Variants in KSR2 observed in about 807,000 individuals in gnomAD.
The protein encoded by KSR2 is kinase suppressor of ras 2.
A neutral mutation model predicts 107.8 loss-of-function variants in KSR2; 25 were observed. The ratio of observed to expected loss-of-function variants is 0.23; its 90% CI spans 0.17 to 0.32. The LOEUF (loss-of-function observed/expected upper bound fraction) is 0.32. Ranked by LOEUF, KSR2 falls within the 10% of genes least tolerant of loss-of-function variation. KSR2 has a pLI of 1.00. For synonymous variants in KSR2, 480 were observed against 507.0 expected, an observed-to-expected ratio of 0.95 and a Z score of 0.71; for missense variants, 887 against 1,268.9, an observed-to-expected ratio of 0.70 and a Z score of 4.57.
intron 14 of KSR2, among the ~76,000 whole-genome samples, chr12:117,519,897 A>G (rs866177836): frequency 2.6e-5 from 4 of 152,174 alleles, no homozygotes; most frequent in Non-Finnish European, 5.9e-5. Context: ...AATGAAACTC[A>G]GTTCTAATAG....
chr12:117,839,089 A>G (rs182539911), intron 3 of KSR2, among the ~76,000 whole-genome samples: 1 of 152,308 alleles, frequency 6.6e-6, no homozygotes, highest in African/African-American at 2.4e-5. Context: ...ATCTCTCATT[A>G]TCTGATCACT....
At chr12:117,953,102 T>C (rs1322685590) in intron 1 of KSR2, among the ~76,000 whole-genome samples, 1 of 152,136 alleles carries the variant, frequency 6.6e-6, no homozygotes, top group Non-Finnish European at 1.5e-5. Context: ...TCAACATCAT[T>C]AGTCATTAGG....
intron 5 of KSR2, among the ~76,000 whole-genome samples, chr12:117,590,743 ACT>A (rs1880270228): frequency 6.6e-6 from 1 of 152,204 alleles, no homozygotes; most frequent in Non-Finnish European, 1.5e-5. Context: ...TCATTGACAC[ACT>A]GTCTATGACA....
chr12:117,837,555 C>T, intron 3 of KSR2, among the ~76,000 whole-genome samples: 1 of 152,004 alleles, frequency 6.6e-6, no homozygotes, highest in South Asian at 2.1e-4. Flanking sequence ...AAGCAAGGAG[C>T]CTAGGATTGA....
chr12:117,927,242 G>A (rs1017762291), intron 1 of KSR2, among the ~76,000 whole-genome samples: 2 of 151,736 alleles, frequency 1.3e-5, no homozygotes, highest in African/African-American at 2.4e-5. Context: ...TGGGTGTGGC[G>A]GTGCATGCCT....
intron 14 of KSR2, among the ~76,000 whole-genome samples, chr12:117,524,590 C>A (rs1163708589): frequency 6.6e-6 from 1 of 152,092 alleles, no homozygotes; most frequent in Admixed American, 6.5e-5. Flanking sequence ...TCTCTTGAGT[C>A]CAGGAGTTCA....
intron 2 of KSR2, among the ~76,000 whole-genome samples, chr12:117,856,966 T>C (rs370641757): frequency 1.3e-5 from 2 of 152,182 alleles, no homozygotes; most frequent in East Asian, 1.9e-4. Context: ...GAGAGAAGAA[T>C]AGTGGAGTCA....
intron 7 of KSR2, among the ~76,000 whole-genome samples, chr12:117,563,668 C>T (rs1177437540): frequency 6.6e-6 from 1 of 152,130 alleles, no homozygotes; most frequent in Non-Finnish European, 1.5e-5. Flanking sequence ...ACAGCAAGCC[C>T]CTAAGATCCT....
chr12:117,913,881 T>A lies in KSR2; in HGVS notation c.181-53450A>T, dbSNP rs954570153. 2.0e-5 allele frequency among the ~76,000 whole-genome samples: 3 copies of A among 152,260 alleles called. No homozygotes were observed. In the East Asian group the frequency reaches 5.8e-4, roughly 29 times the overall value. On this transcript the variant is annotated intron_variant, in intron 1 of 19. Coordinates refer to ENST00000339824, the MANE Select transcript of KSR2 (RefSeq NM_173598.6). ...GGAGTCTCGGGACCCGCCGGATGACTCTGCAGCATGTTTTATTGTCTGCCC... is the reference window on the plus strand; with the variant it reads ...GGAGTCTCGGGACCCGCCGGATGACACTGCAGCATGTTTTATTGTCTGCCC...
chr12:117,782,433 T>G (rs1889919218), intron 3 of KSR2, among the ~76,000 whole-genome samples: 1 of 152,130 alleles, frequency 6.6e-6, no homozygotes, highest in Non-Finnish European at 1.5e-5. Flanking sequence ...TTAGCTAATC[T>G]TTTTTATTTT....
intron 4 of KSR2, among the ~76,000 whole-genome samples, chr12:117,758,436 T>C (rs986795873): frequency 5.9e-5 from 9 of 152,250 alleles, no homozygotes; most frequent in African/African-American, 2.2e-4. Context: ...CACGGCATTT[T>C]CCACATCACC....
intron 12 of KSR2, 63 bp from the exon 13 acceptor site, chr12:117,527,182 A>G: frequency 1.6e-6 from 2 of 1,238,974 alleles, no homozygotes; most frequent in South Asian, 2.4e-5. Flanking sequence ...TATTGAGTTT[A>G]GCTATGTACG....
At chr12:117,785,783 C>A (rs372616935) in intron 3 of KSR2, among the ~76,000 whole-genome samples, 1 of 152,046 alleles carries the variant, frequency 6.6e-6, no homozygotes, top group South Asian at 2.1e-4. Context: ...AGATTGATTT[C>A]TTTAAAAAAG....
chr12:117,631,886 A>G (rs189245551), intron 5 of KSR2, among the ~76,000 whole-genome samples: 12 of 152,360 alleles, frequency 7.9e-5, no homozygotes, highest in African/African-American at 2.9e-4. Flanking sequence ...TAAAACATTT[A>G]TTTTGAGCAG....
intron 5 of KSR2, among the ~76,000 whole-genome samples, chr12:117,636,228 A>C (rs892783250): frequency 1.3e-5 from 2 of 152,204 alleles, no homozygotes; most frequent in African/African-American, 4.8e-5. Context: ...TGGGTATATA[A>C]GCAAAACAAC....
chr12:117,564,828 A>G (rs894604386), intron 7 of KSR2, among the ~76,000 whole-genome samples: 1 of 152,216 alleles, frequency 6.6e-6, no homozygotes, highest in African/African-American at 2.4e-5. Context: ...GAAATCTGTC[A>G]AACACTGCAG....
intron 3 of KSR2, among the ~76,000 whole-genome samples, chr12:117,848,810 ATGG>A (rs1448976327): frequency 6.7e-6 from 1 of 148,752 alleles, no homozygotes; most frequent in Non-Finnish European, 1.5e-5. Flanking sequence ...AACAACAGTG[ATGG>A]TGGTGGGTGG....
chr12:117,966,609 T>G (rs1219686704), intron 1 of KSR2, among the ~76,000 whole-genome samples: 1 of 98,216 alleles, frequency 1.0e-5, no homozygotes, highest in Non-Finnish European at 2.0e-5. Flanking sequence ...TCTCTCTCTC[T>G]CTCACACGCG....
intron 1 of KSR2, among the ~76,000 whole-genome samples, chr12:117,887,809 A>T (rs1260258907): frequency 6.6e-6 from 1 of 151,836 alleles, no homozygotes; most frequent in African/African-American, 2.4e-5. Flanking sequence ...AAATAAAAAT[A>T]AAAAAAAATT....
Sources: gnomAD v4.1 joint callset for allele counts (sites outside exome capture counted in the v4.1 genomes callset) on GRCh38, gnomAD v4.1.1 for gene constraint, MANE v1.5 for transcripts, NCBI Gene and HGNC (gene_info 2026-07-23, HGNC 2026-07-21) for gene names.